HABP2: variants seen among roughly 807,000 people sequenced by gnomAD.
HABP2 encodes hyaluronan binding protein 2, also known as factor VII-activating protease.
Under a neutral mutation model 66.5 loss-of-function variants are expected in HABP2, and 65 were observed. That is an observed-to-expected ratio of 0.98 (90% confidence interval 0.80 to 1.20). The LOEUF (loss-of-function observed/expected upper bound fraction) is 1.20. Ranked by LOEUF, HABP2 falls within the 50% of genes most tolerant of loss-of-function variation. The pLI is 0.00. For missense variants in HABP2, 786 were observed against 691.0 expected, an observed-to-expected ratio of 1.14 and a Z score of -1.54; for synonymous variants, 263 against 253.9, an observed-to-expected ratio of 1.04 and a Z score of -0.34.
At chr10:113,555,036 T>G (rs1221158412) in intron 1 of HABP2, among the ~76,000 whole-genome samples, 1 of 152,136 alleles carries the variant, frequency 6.6e-6, no homozygotes, top group Non-Finnish European at 1.5e-5. Context: ...TTGGAGAGTT[T>G]GGGGCGTCAT....
Position 113,568,091 on chromosome 10 carries a change from G to A in HABP2, c.106+566G>A, listed in dbSNP as rs183445710. ...CAAGGGCTCTCTGTCTCACAGACTC[G>A]CTCTCTTATTGTCTCCCTTTCCTGT... On this transcript the variant is annotated intron_variant, in intron 2 of 12. Coordinates refer to ENST00000351270, the MANE Select transcript of HABP2 (RefSeq NM_004132.5). Among the ~76,000 whole-genome samples the A allele has an allele frequency of 7.2e-5, 11 of 152,338 alleles. No homozygotes were observed. In the East Asian group the frequency reaches 2.1e-3, roughly 29 times the overall value.
At chr10:113,566,052 A>G (rs545704260) in intron 1 of HABP2, among the ~76,000 whole-genome samples, 2 of 152,222 alleles carry the variant, frequency 1.3e-5, no homozygotes, top group African/African-American at 2.4e-5. Flanking sequence ...TCATGTAAGG[A>G]AGCCTACAGT....
At chr10:113,557,128 C>G (rs1845012539) in intron 1 of HABP2, among the ~76,000 whole-genome samples, 1 of 152,216 alleles carries the variant, frequency 6.6e-6, no homozygotes, top group East Asian at 1.9e-4. Flanking sequence ...TGCATGGGCT[C>G]CAGGACCAAA....
Position 113,589,258 on chromosome 10 carries a change from G to C in HABP2, c.*889G>C. Reference sequence around the variant, plus strand: ...GGGCCTTCAAGGCAGGAATGAGAAAGCAAAGCCAATCTCTCATTTAGACCT... The same window carrying C: ...GGGCCTTCAAGGCAGGAATGAGAAACCAAAGCCAATCTCTCATTTAGACCT... On this transcript the variant is annotated 3_prime_UTR_variant, in exon 13 of 13. Coordinates refer to ENST00000351270, the MANE Select transcript of HABP2 (RefSeq NM_004132.5). 1.7e-6 allele frequency: 1 copy of C among 596,858 alleles called. No homozygotes were observed. Among genetic ancestry groups the C allele is most frequent in the South Asian group, 2.2e-5 (1 of 46,282 alleles). 37.0% of individuals were successfully genotyped at this position (596,858 alleles called of 1,614,324 possible).
chr10:113,571,612 G>T (rs1845313486), intron 2 of HABP2, among the ~76,000 whole-genome samples: 1 of 152,096 alleles, frequency 6.6e-6, no homozygotes, highest in African/African-American at 2.4e-5. Flanking sequence ...TGCAGGGAGG[G>T]GTGGAGAATC....
intron 1 of HABP2, among the ~76,000 whole-genome samples, chr10:113,554,335 G>T (rs1262114692): frequency 6.6e-6 from 1 of 152,176 alleles, no homozygotes; most frequent in Non-Finnish European, 1.5e-5. Flanking sequence ...TTTGCATTTT[G>T]TTCCCCATTT....
At chr10:113,588,096 T>C in intron 12 of HABP2, 109 bp from the exon 13 acceptor site, 1 of 806,140 alleles carries the variant, frequency 1.2e-6, no homozygotes, top group Non-Finnish European at 1.9e-6. Flanking sequence ...CCACGGAGGC[T>C]GGCAAGGGAC....
At chr10:113,555,565 AC>A (rs1844976534) in intron 1 of HABP2, among the ~76,000 whole-genome samples, 1 of 152,112 alleles carries the variant, frequency 6.6e-6, no homozygotes, top group South Asian at 2.1e-4. Context: ...GCAAATGAGG[AC>A]TGTTCTTTGG....
chr10:113,583,382 C>T (rs761120305), intron 10 of HABP2, 24 bp downstream of exon 10: 2 of 1,607,266 alleles, frequency 1.2e-6, no homozygotes, highest in South Asian at 2.2e-5. Flanking sequence ...TCATGGCTTT[C>T]CTGAGGGTCT....
intron 1 of HABP2, among the ~76,000 whole-genome samples, chr10:113,560,638 A>C (rs532225466): frequency 6.6e-6 from 1 of 152,366 alleles, no homozygotes; most frequent in African/African-American, 2.4e-5. Flanking sequence ...CAAGAGATGA[A>C]TGCATAAACA....
intron 5 of HABP2, 57 bp from the exon 6 acceptor site, chr10:113,577,969 G>A (rs1041057465): frequency 1.2e-5 from 19 of 1,595,408 alleles, no homozygotes; most frequent in Non-Finnish European, 1.5e-5. Flanking sequence ...TGTCATCTCA[G>A]ACATGGGCTG....
At chr10:113,555,086 C>T (rs1844967999) in intron 1 of HABP2, among the ~76,000 whole-genome samples, 1 of 152,192 alleles carries the variant, frequency 6.6e-6, no homozygotes, top group African/African-American at 2.4e-5. Context: ...GCTGGGTGGC[C>T]TCTCCAGCCC....
intron 2 of HABP2, among the ~76,000 whole-genome samples, chr10:113,567,960 C>A (rs909032367): frequency 4.6e-5 from 7 of 152,164 alleles, no homozygotes; most frequent in African/African-American, 1.7e-4. Context: ...GCTGACCTGC[C>A]CTGGTGATAC....
intron 9 of HABP2, 117 bp from the exon 10 acceptor site, chr10:113,583,099 G>A (rs1282856556): frequency 1.6e-5 from 13 of 795,780 alleles, no homozygotes; most frequent in South Asian, 1.0e-4. Context: ...GCAGAGTTCT[G>A]TGAGTGAGAC....
At chr10:113,553,808 C>A (rs184689930) in intron 1 of HABP2, among the ~76,000 whole-genome samples, 130 of 152,244 alleles carry the variant, frequency 8.5e-4, no homozygotes, top group African/African-American at 2.9e-3. Flanking sequence ...AAGGGAAGTC[C>A]CATCAGAGAG....
chr10:113,563,377 G>A (rs1845135475), intron 1 of HABP2, among the ~76,000 whole-genome samples: 1 of 152,170 alleles, frequency 6.6e-6, no homozygotes, highest in African/African-American at 2.4e-5. Flanking sequence ...TTGACTATCA[G>A]CCTGGACTTT....
At chr10:113,569,994 A>G (rs1376113485) in intron 2 of HABP2, 1 of 152,218 alleles carries the variant, frequency 6.6e-6, no homozygotes, top group Admixed American at 6.5e-5. Flanking sequence ...GAGACCCCAA[A>G]CATGGACTGA....
intron 3 of HABP2, among the ~76,000 whole-genome samples, chr10:113,575,509 G>A (rs1845392094): frequency 1.3e-5 from 2 of 152,124 alleles, no homozygotes; most frequent in Admixed American, 6.5e-5. Context: ...ACTGGAAGTA[G>A]GGGAGGTCTT....
rs771115382 is a variant in HABP2, at chr10:113,582,061, C to A, written c.1024C>A (p.Pro342Thr). 6.2e-6 allele frequency: 10 copies of A among 1,613,316 alleles called. No homozygotes were observed. The African/African-American group carries it at 8.0e-5, about 13-fold the overall frequency. The change falls in exon 9 of 13, where the codon CCC becomes ACC. Residue 342 changes from proline (P) to threonine (T), a missense_variant. Coordinates refer to ENST00000351270, the MANE Select transcript of HABP2 (RefSeq NM_004132.5). ...CTCGCTGCCTCTGACCATCTCCATGCCCCAGGGCCACTTCTGTGGTGGGGC... is the reference window on the plus strand; with the variant it reads ...CTCGCTGCCTCTGACCATCTCCATGACCCAGGGCCACTTCTGTGGTGGGGC... ...QSSLPLTISM[P>T]QGHFCGGALI... is the part of the protein sequence containing the mutation.
Sources: allele counts gnomAD v4.1 joint callset (sites outside exome capture counted in the v4.1 genomes callset), GRCh38; gene constraint gnomAD v4.1.1; transcripts MANE v1.5; gene names NCBI Gene and HGNC (gene_info 2026-07-23, HGNC 2026-07-21).